Variants in COLQ observed in about 807,000 individuals in gnomAD.
The protein encoded by COLQ is acetylcholinesterase collagenic tail peptide.
In COLQ, 48 loss-of-function variants were observed where a neutral mutation model predicts 69.0. The ratio of observed to expected loss-of-function variants is 0.70; its 90% CI spans 0.55 to 0.88. COLQ has a LOEUF of 0.88. Ranked by LOEUF, COLQ falls within the 40% of genes least tolerant of loss-of-function variation. The pLI is 0.00. For synonymous variants in COLQ, 217 were observed against 211.2 expected, an observed-to-expected ratio of 1.03 and a Z score of -0.24; for missense variants, 618 against 594.6, an observed-to-expected ratio of 1.04 and a Z score of -0.41.
intron 2 of COLQ, among the ~76,000 whole-genome samples, chr3:15,489,138 G>A (rs2062623187): frequency 6.6e-6 from 1 of 152,162 alleles, no homozygotes; most frequent in African/African-American, 2.4e-5. Context: ...TGTTAGACAC[G>A]GGCTGCAGAA....
rs577954766 is a variant in COLQ, at chr3:15,456,839, T to A, written c.955-260A>T. Among the ~76,000 whole-genome samples, 63 of 150,772 alleles carry A rather than the reference T, an allele frequency of 4.2e-4. 2 individuals are homozygous for A. The East Asian group carries it at 9.2e-3, about 22-fold the overall frequency. On this transcript the variant is annotated intron_variant, in intron 13 of 16. Coordinates refer to ENST00000383788, the MANE Select transcript of COLQ (RefSeq NM_005677.4). ...TTTTTTTTCTTTTTTTCTTTTGTTT[T>A]TGAGATGGAGTCTCACGCGGTTGCC...
At chr3:15,497,197 C>A (rs1346139295) in intron 1 of COLQ, among the ~76,000 whole-genome samples, 1 of 152,052 alleles carries the variant, frequency 6.6e-6, no homozygotes, top group East Asian at 1.9e-4. Flanking sequence ...GCGAGTGCCA[C>A]CATGCCTGGC....
Position 15,481,894 on chromosome 3 carries a change from C to G in COLQ, c.322-2512G>C, listed in dbSNP as rs190839191. On this transcript the variant is annotated intron_variant, in intron 3 of 16. Transcript: ENST00000383788. ...TTCTGTTCTCTTTCATTTCATTGAG[C>G]AGTGGTTTGCAGTTCTCCTTGAAGA... 1.8e-4 allele frequency among the ~76,000 whole-genome samples: 28 copies of G among 152,282 alleles called. 1 individual carries two copies. The highest frequency in any genetic ancestry group is 1.5e-3 in the Admixed American group (23 of 15,300).
chr3:15,491,640 G>A (rs78459123), intron 1 of COLQ, among the ~76,000 whole-genome samples: 104 of 152,304 alleles, frequency 6.8e-4, no homozygotes, highest in Non-Finnish European at 1.0e-3. Flanking sequence ...GACCTTTTAC[G>A]GGAAATATTT....
chr3:15,483,321 A>T (rs1242076029), intron 3 of COLQ, among the ~76,000 whole-genome samples: 1 of 152,008 alleles, frequency 6.6e-6, no homozygotes, highest in Non-Finnish European at 1.5e-5. Flanking sequence ...TCTATTTTAG[A>T]TCTTTCCTGC....
chr3:15,503,276 A>G (rs2062857653), intron 1 of COLQ, among the ~76,000 whole-genome samples: 1 of 152,136 alleles, frequency 6.6e-6, no homozygotes, highest in African/African-American at 2.4e-5. Flanking sequence ...ATTCCCTCCA[A>G]AATGTGTGCT....
rs1312942456 is a variant in COLQ at position 15,498,468 on chromosome 3, T to TA, written c.107-8832_107-8831insT. ...TTTTTTCCAAAACAATGCATGTGCATCCACACACACACACACACGTGCACA... is the reference window on the plus strand; with the variant it reads ...TTTTTTCCAAAACAATGCATGTGCATACCACACACACACACACACGTGCACA... On this transcript the variant is annotated intron_variant, in intron 1 of 16. Coordinates refer to ENST00000383788, the MANE Select transcript of COLQ (RefSeq NM_005677.4). 4.2e-6 allele frequency: 4 copies of TA among 946,242 alleles called. No homozygotes were observed. The Admixed American group carries it at 1.1e-4, about 26-fold the overall frequency. The allele number at this position is 946,242 out of a possible 1,614,324, so 58.6% of individuals were successfully genotyped here.
intron 3 of COLQ, among the ~76,000 whole-genome samples, chr3:15,480,372 C>A (rs1559521544): frequency 6.6e-6 from 1 of 151,964 alleles, no homozygotes; most frequent in Non-Finnish European, 1.5e-5. Context: ...TGATGTTCCC[C>A]ACCCTGTGTC....
chr3:15,465,885 G>A (rs999381098), intron 12 of COLQ, among the ~76,000 whole-genome samples: 5 of 152,088 alleles, frequency 3.3e-5, no homozygotes, highest in Admixed American at 6.6e-5. Flanking sequence ...AATAACAGGC[G>A]TGAGCCACCC....
chr3:15,498,630 C>T (rs771450958), intron 1 of COLQ: 18 of 1,551,324 alleles, frequency 1.2e-5, no homozygotes, highest in Admixed American at 7.8e-5. Context: ...GAACACTAGC[C>T]GGAGACAGGC....
At chr3:15,456,662 C>T in intron 13 of COLQ, 83 bp from the exon 14 acceptor site, 2 of 1,582,444 alleles carry the variant, frequency 1.3e-6, no homozygotes, top group Non-Finnish European at 1.7e-6. Context: ...AACAGAATCT[C>T]TATCCTTGGG....
At chr3:15,495,545 TC>T in intron 1 of COLQ, among the ~76,000 whole-genome samples, 1 of 152,336 alleles carries the variant, frequency 6.6e-6, no homozygotes, top group South Asian at 2.1e-4. Context: ...CCTGTTTTCG[TC>T]TGTGTTCAGT....
At chr3:15,482,180 CT>C (rs1214322882) in intron 3 of COLQ, among the ~76,000 whole-genome samples, 27 of 152,220 alleles carry the variant, frequency 1.8e-4, no homozygotes, top group Non-Finnish European at 3.5e-4. Flanking sequence ...TTGACTTCCT[CT>C]TTTCCTAATT....
intron 4 of COLQ, 31 bp from the exon 5 acceptor site, chr3:15,479,034 C>T (rs775488691): frequency 9.9e-6 from 16 of 1,614,004 alleles, no homozygotes; most frequent in Non-Finnish European, 1.4e-5. Flanking sequence ...TAAGGAGAGG[C>T]TGCTTTGGAA....
rs771317575 is a variant in COLQ, at chr3:15,478,974, T to TACC, written c.393_393+2dup. 1.2e-6 allele frequency: 2 copies of TACC among 1,614,114 alleles called. No homozygotes were observed. The highest frequency in any genetic ancestry group is 1.7e-6 in the Non-Finnish European group (2 of 1,180,000). On this transcript the variant is annotated splice_region_variant and intron_variant, in intron 5 of 16. Coordinates refer to ENST00000383788, the MANE Select transcript of COLQ (RefSeq NM_005677.4). ...GACACTCACAGAACAGCGCAGACCA[T>TACC]ACCTTCCTTCCTGGTCGGCCAAGCT...
chr3:15,480,683 T>C (rs1286705139), intron 3 of COLQ, among the ~76,000 whole-genome samples: 1 of 152,248 alleles, frequency 6.6e-6, no homozygotes, highest in Non-Finnish European at 1.5e-5. Context: ...TTACAATCCT[T>C]TGGGTATATA....
At chr3:15,519,568 G>A (rs1464131219) in intron 1 of COLQ, among the ~76,000 whole-genome samples, 1 of 152,146 alleles carries the variant, frequency 6.6e-6, no homozygotes, top group Non-Finnish European at 1.5e-5. Context: ...CTAATCTCTA[G>A]GTGCCTCAGC....
At chr3:15,461,190 C>CCCCG (rs11283035) in intron 12 of COLQ, among the ~76,000 whole-genome samples, 1 of 125,382 alleles carries the variant, frequency 8.0e-6, no homozygotes, top group Non-Finnish European at 1.8e-5. Flanking sequence ...TGCCTTTATT[C>CCCCG]CCCCCCCGAC....
intron 1 of COLQ, among the ~76,000 whole-genome samples, chr3:15,491,514 G>A (rs1169430624): frequency 1.3e-5 from 2 of 152,228 alleles, no homozygotes; most frequent in Non-Finnish European, 2.9e-5. Flanking sequence ...AAGTCGCCAG[G>A]TCGTGCGGTG....
Sources: allele counts gnomAD v4.1 joint callset (sites outside exome capture counted in the v4.1 genomes callset), GRCh38; gene constraint gnomAD v4.1.1; transcripts MANE v1.5; gene names NCBI Gene and HGNC (gene_info 2026-07-23, HGNC 2026-07-21).